The following MAOA variants were observed in gnomAD, a reference collection of about 807,000 sequenced individuals.
The protein encoded by MAOA is amine oxidase [flavin-containing] A.
MAOA carries 6 observed loss-of-function variants against 42.0 expected under a neutral mutation model. The ratio of observed to expected loss-of-function variants is 0.14; its 90% CI spans 0.08 to 0.28. The LOEUF (loss-of-function observed/expected upper bound fraction) is 0.28. Ranked by LOEUF, MAOA falls within the 10% of genes least tolerant of loss-of-function variation. The probability of loss-of-function intolerance (pLI) is 1.00; values close to 1 mark genes in which losing one functional copy is unlikely to be tolerated. For missense variants in MAOA, 262 were observed against 422.3 expected (o/e 0.62, Z 3.33); for synonymous variants, 140 against 154.0 (o/e 0.91, Z 0.67).
chrX:43,720,283 G>C (rs1409189979), intron 5 of MAOA, among the ~76,000 whole-genome samples: 1 of 109,918 alleles, frequency 9.1e-6, no homozygotes, highest in Non-Finnish European at 1.9e-5. Context: ...GCTTTGGAGA[G>C]GGCCACAGGT....
intron 1 of MAOA, among the ~76,000 whole-genome samples, chrX:43,676,963 GACATC>G (rs978046475): frequency 1.8e-5 from 2 of 111,494 alleles, no homozygotes; most frequent in Non-Finnish European, 3.8e-5. Context: ...AGGAAATGGA[GACATC>G]TGATCATGTG....
At chrX:43,741,682 G>A (rs1453117242) in intron 11 of MAOA, among the ~76,000 whole-genome samples, 1 of 111,175 alleles carries the variant, frequency 9.0e-6, no homozygotes, top group Non-Finnish European at 1.9e-5. Context: ...TGCATGGATG[G>A]ATGGATACCC....
intron 5 of MAOA, among the ~76,000 whole-genome samples, chrX:43,716,570 G>C (rs1195328833): frequency 9.0e-6 from 1 of 110,612 alleles, no homozygotes; most frequent in Non-Finnish European, 1.9e-5. Flanking sequence ...TGGTAGAGGG[G>C]AGATAGGATA....
chrX:43,735,699 C>G (rs1264133267), intron 9 of MAOA, among the ~76,000 whole-genome samples: 2 of 112,712 alleles, frequency 1.8e-5, no homozygotes, highest in Non-Finnish European at 3.7e-5. Flanking sequence ...GCATCTAGGT[C>G]AGAACAACTC....
chrX:43,657,160 A>C (rs1012005052), intron 1 of MAOA, among the ~76,000 whole-genome samples: 1 of 94,537 alleles, frequency 1.1e-5, no homozygotes, highest in Non-Finnish European at 2.1e-5. Flanking sequence ...CTGTGTTTAT[A>C]TATATATATG....
At chrX:43,679,467 GGA>G (rs1233900528) in intron 1 of MAOA, among the ~76,000 whole-genome samples, 1 of 110,513 alleles carries the variant, frequency 9.0e-6, no homozygotes, top group African/African-American at 3.3e-5. Flanking sequence ...CTTGGAATAT[GGA>G]GATAATGAAA....
chrX:43,705,743 A>G (rs190602971), intron 3 of MAOA, among the ~76,000 whole-genome samples: 98 of 112,189 alleles, frequency 8.7e-4, no homozygotes, highest in African/African-American at 3.0e-3. Context: ...CATATAAAGA[A>G]CTCTAACAAC....
chrX:43,656,701 A>T (rs2033182608), intron 1 of MAOA, among the ~76,000 whole-genome samples: 1 of 111,236 alleles, frequency 9.0e-6, no homozygotes, highest in African/African-American at 3.3e-5. Flanking sequence ...GGATTTTCTC[A>T]GTCCTCAACA....
intron 5 of MAOA, among the ~76,000 whole-genome samples, chrX:43,717,661 C>T (rs146129757): frequency 4.1e-3 from 452 of 110,282 alleles, no homozygotes; most frequent in Non-Finnish European, 7.4e-3. Context: ...TTGAGCCACA[C>T]TGGTGGGGTT....
chrX:43,745,218 T>C lies in MAOA; in HGVS notation c.*705T>C, dbSNP rs919456258. 3.4e-4 allele frequency: 38 copies of C among 112,926 alleles called. No homozygotes were observed. Among genetic ancestry groups the C allele is most frequent in the African/African-American group, 1.2e-3 (38 of 30,694 alleles). 9.3% of individuals were successfully genotyped at this position (112,926 alleles called of 1,213,427 possible). On this transcript the variant is annotated 3_prime_UTR_variant, in exon 15 of 15. Transcript: ENST00000338702. Reference sequence around the variant, plus strand: ...TATGGAGGAGAGTGTTTAACTGAGTTAGAATGTTGAAACTGACTTGCTGTG... The same window carrying C: ...TATGGAGGAGAGTGTTTAACTGAGTCAGAATGTTGAAACTGACTTGCTGTG...
At chrX:43,675,548 T>C (rs1026125420) in intron 1 of MAOA, among the ~76,000 whole-genome samples, 15 of 112,439 alleles carry the variant, frequency 1.3e-4, no homozygotes, top group Non-Finnish European at 2.8e-4. Context: ...TTTTCTGTTC[T>C]GTTATTTCCC....
chrX:43,662,214 G>T (rs1330961911), intron 1 of MAOA, among the ~76,000 whole-genome samples: 5 of 110,977 alleles, frequency 4.5e-5, no homozygotes, highest in Non-Finnish European at 9.4e-5. Flanking sequence ...GTTCAATGTG[G>T]GCTGAGCATT....
At chrX:43,675,063 C>A (rs1280989860) in intron 1 of MAOA, among the ~76,000 whole-genome samples, 1 of 112,136 alleles carries the variant, frequency 8.9e-6, no homozygotes, top group East Asian at 2.8e-4. Context: ...GTTCCATTCT[C>A]CCCGTCACTT....
At chrX:43,677,128 A>G (rs1333638803) in intron 1 of MAOA, among the ~76,000 whole-genome samples, 1 of 112,001 alleles carries the variant, frequency 8.9e-6, no homozygotes, top group Non-Finnish European at 1.9e-5. Context: ...TGGAGAAGGC[A>G]GGGCTAAGTG....
chrX:43,699,759 T>C (rs1481396354), intron 3 of MAOA, among the ~76,000 whole-genome samples: 1 of 111,392 alleles, frequency 9.0e-6, no homozygotes, highest in Admixed American at 9.6e-5. Context: ...TCTGGAATAC[T>C]AAGTAAATTT....
At chrX:43,726,078 A>T (rs896801442) in intron 5 of MAOA, among the ~76,000 whole-genome samples, 1 of 111,213 alleles carries the variant, frequency 9.0e-6, no homozygotes, top group African/African-American at 3.3e-5. Flanking sequence ...GGGTAACTCG[A>T]CCTTTCTGTC....
At chrX:43,736,158 C>G in intron 9 of MAOA, 69 bp from the exon 10 acceptor site, 3 of 798,040 alleles carry the variant, frequency 3.8e-6, no homozygotes, top group Admixed American at 2.4e-5. Context: ...AAGAATACTT[C>G]AGAAAGAAAG....
chrX:43,712,418 T>G (rs1461323165), intron 4 of MAOA, among the ~76,000 whole-genome samples: 2 of 111,938 alleles, frequency 1.8e-5, no homozygotes, highest in African/African-American at 6.5e-5. Flanking sequence ...GGTTATTAGC[T>G]TTCAATAACA....
intron 8 of MAOA, among the ~76,000 whole-genome samples, chrX:43,732,187 G>A (rs1368652139): frequency 1.8e-5 from 2 of 111,562 alleles, no homozygotes; most frequent in Non-Finnish European, 3.8e-5. Flanking sequence ...TACACATTCC[G>A]GGACTTCGCT....
Sources: allele counts gnomAD v4.1 joint callset (sites outside exome capture counted in the v4.1 genomes callset), GRCh38; gene constraint gnomAD v4.1.1; transcripts MANE v1.5; gene names NCBI Gene and HGNC (gene_info 2026-07-23, HGNC 2026-07-21).